Variants in GALNT2 observed in about 807,000 individuals in gnomAD.
GALNT2 encodes the protein polypeptide N-acetylgalactosaminyltransferase 2, also known as UDP-GalNAc:polypeptide N-acetylgalactosaminyltransferase 2.
Under a neutral mutation model 81.4 loss-of-function variants are expected in GALNT2, and 31 were observed. That is an observed-to-expected ratio of 0.38 (90% CI 0.29 to 0.51). The LOEUF (loss-of-function observed/expected upper bound fraction) is 0.51. GALNT2 is among the 20% of genes least tolerant of loss of function. GALNT2 has a pLI of 0.87. For synonymous variants in GALNT2, 303 were observed against 287.4 expected (o/e 1.05, Z -0.55); for missense variants, 629 against 765.7 (o/e 0.82, Z 2.11).
intron 6 of GALNT2, among the ~76,000 whole-genome samples, chr1:230,238,917 A>G (rs141128402): frequency 1.3e-5 from 2 of 152,208 alleles, no homozygotes; most frequent in African/African-American, 4.8e-5. Flanking sequence ...ATAATATTTT[A>G]ATTATTTCTT....
intron 3 of GALNT2, among the ~76,000 whole-genome samples, chr1:230,211,186 G>A (rs1275105130): frequency 6.6e-6 from 1 of 152,142 alleles, no homozygotes; most frequent in East Asian, 1.9e-4. Flanking sequence ...TGACGGAACC[G>A]CTGCTCCATG....
At chr1:230,067,624 T>G (rs991462205) in intron 1 of GALNT2, among the ~76,000 whole-genome samples, 9 of 151,910 alleles carry the variant, frequency 5.9e-5, no homozygotes, top group Admixed American at 1.3e-4. Flanking sequence ...CCCGCAGCCT[T>G]TCTCTGCCCC....
intron 1 of GALNT2, among the ~76,000 whole-genome samples, chr1:230,121,498 C>T (rs765776917): frequency 8.5e-5 from 13 of 152,208 alleles, no homozygotes; most frequent in Non-Finnish European, 7.3e-5. Context: ...TTGTCCCTGC[C>T]AGGTTTCTGA....
At chr1:230,138,476 G>T (rs1429728550) in intron 1 of GALNT2, among the ~76,000 whole-genome samples, 5 of 144,846 alleles carry the variant, frequency 3.5e-5, no homozygotes, top group Non-Finnish European at 5.9e-5. Flanking sequence ...AGTGAGCTGA[G>T]ATCACGCCTC....
intron 2 of GALNT2, among the ~76,000 whole-genome samples, chr1:230,179,364 T>C (rs1263054326): frequency 6.6e-6 from 1 of 152,206 alleles, no homozygotes; most frequent in Non-Finnish European, 1.5e-5. Flanking sequence ...CTGAGTTTTG[T>C]AAGAAACTGC....
chr1:230,204,414 C>T (rs1387534815), intron 3 of GALNT2, among the ~76,000 whole-genome samples: 1 of 152,184 alleles, frequency 6.6e-6, no homozygotes, highest in Admixed American at 6.5e-5. Context: ...AGTGATCCGC[C>T]CGCCTCGGCC....
Position 230,266,052 on chromosome 1 carries a change from A to G in GALNT2, c.1440+685A>G, listed in dbSNP as rs181983079. Reference sequence around the variant, plus strand: ...CTAAAAATAAAAAAAAAATTAGCCAAGCGTGGTGGCGGGCACCTGTAATCC... The same window carrying G: ...CTAAAAATAAAAAAAAAATTAGCCAGGCGTGGTGGCGGGCACCTGTAATCC... On this transcript the variant is annotated intron_variant, in intron 14 of 15. Coordinates refer to ENST00000366672, the MANE Select transcript of GALNT2 (RefSeq NM_004481.5). Among the ~76,000 whole-genome samples, 171 of 152,190 alleles carry G rather than the reference A, an allele frequency of 1.1e-3. 3 individuals are homozygous for G. In the East Asian group the frequency reaches 0.021, roughly 19 times the overall value.
At chr1:230,260,851 T>C (rs577239298) in intron 11 of GALNT2, among the ~76,000 whole-genome samples, 18 of 152,330 alleles carry the variant, frequency 1.2e-4, no homozygotes, top group African/African-American at 3.8e-4. Flanking sequence ...ACTCTCATAA[T>C]TTGATGAATT....
intron 3 of GALNT2, among the ~76,000 whole-genome samples, chr1:230,225,743 A>G (rs746377476): frequency 2.6e-5 from 4 of 151,372 alleles, no homozygotes; most frequent in Non-Finnish European, 4.4e-5. Flanking sequence ...TCTAAATTCA[A>G]GTTATCCAGA....
At chr1:230,187,954 C>T (rs1172936085) in intron 2 of GALNT2, among the ~76,000 whole-genome samples, 4 of 105,912 alleles carry the variant, frequency 3.8e-5, no homozygotes, top group Admixed American at 3.1e-4. Context: ...GAGGGTGGGG[C>T]GGGCCGGGGT....
intron 3 of GALNT2, among the ~76,000 whole-genome samples, chr1:230,234,566 A>G (rs1326876371): frequency 6.6e-6 from 1 of 152,226 alleles, no homozygotes; most frequent in Non-Finnish European, 1.5e-5. Context: ...AAGACTGTTC[A>G]TCCTCAAGAC....
At chr1:230,068,877 A>G (rs964282058) in intron 1 of GALNT2, among the ~76,000 whole-genome samples, 2 of 152,196 alleles carry the variant, frequency 1.3e-5, no homozygotes, top group African/African-American at 4.8e-5. Flanking sequence ...GACTTGGTTT[A>G]TTCTTGAACA....
At position 230,193,688 on chromosome 1, in the gene GALNT2, A is replaced by G. The variant is rs1256801495; in HGVS notation, c.221-9449A>G. Among the ~76,000 whole-genome samples the G allele has an allele frequency of 6.6e-6, 1 of 152,204 alleles. No homozygotes were observed. The highest frequency in any genetic ancestry group is 1.5e-5 in the Non-Finnish European group (1 of 68,036). On this transcript the variant is annotated intron_variant, in intron 2 of 15. Coordinates refer to ENST00000366672, the MANE Select transcript of GALNT2 (RefSeq NM_004481.5). The surrounding 1 kb of genome is among the most constrained non-coding windows in gnomAD (Gnocchi z 4.3). ...TTATTTTAAACCAACATTTATTTGA[A>G]CAAGTCATCCAAATGCAAGTAGTCC... is the stretch of plus-strand genomic sequence containing the variant.
chr1:230,078,988 C>T (rs935787932), intron 1 of GALNT2, among the ~76,000 whole-genome samples: 1 of 152,128 alleles, frequency 6.6e-6, no homozygotes, highest in African/African-American at 2.4e-5. Flanking sequence ...GTTTTATTAT[C>T]TTGACTACAC....
At chr1:230,229,282 A>C (rs1664804318) in intron 3 of GALNT2, among the ~76,000 whole-genome samples, 1 of 152,250 alleles carries the variant, frequency 6.6e-6, no homozygotes, top group Non-Finnish European at 1.5e-5. Flanking sequence ...GACAAAGAAC[A>C]TGAATAAACA....
rs541657179 is a variant in GALNT2, at chr1:230,246,256, C to T, written c.817+106C>T. On this transcript the variant is annotated intron_variant, in intron 8 of 15. Transcript: ENST00000366672. ...AGTGACAGTGACAACAGTGTTCACG[C>T]CGTAGTGTGTGTTCTGAGTAAAAAC... 44 of 888,306 alleles carry T rather than the reference C, an allele frequency of 5.0e-5. No individual in the cohort carries two copies. The East Asian group carries it at 1.0e-3, about 21-fold the overall frequency. 55.0% of individuals were successfully genotyped at this position (888,306 alleles called of 1,614,324 possible).
At chr1:230,091,614 A>C (rs950716680) in intron 1 of GALNT2, 23 of 152,254 alleles carry the variant, frequency 1.5e-4, no homozygotes, top group African/African-American at 5.5e-4. Context: ...TCTGTTCTGC[A>C]GTGTTGGAGC....
intron 14 of GALNT2, among the ~76,000 whole-genome samples, chr1:230,267,777 G>T (rs78214915): frequency 6.6e-6 from 1 of 152,160 alleles, no homozygotes; most frequent in African/African-American, 2.4e-5. Flanking sequence ...GGGCAGAGGC[G>T]GAGGGGAAGG....
At chr1:230,182,018 T>G (rs1663175272) in intron 2 of GALNT2, among the ~76,000 whole-genome samples, 1 of 152,240 alleles carries the variant, frequency 6.6e-6, no homozygotes, top group African/African-American at 2.4e-5. Context: ...ATTGAATTTA[T>G]GGGAATAGAG....
Sources: gnomAD v4.1 joint callset for allele counts (sites outside exome capture counted in the v4.1 genomes callset) on GRCh38, gnomAD v4.1.1 for gene constraint, Gnocchi (gnomAD v3.1) non-coding constraint, MANE v1.5 for transcripts, NCBI Gene and HGNC (gene_info 2026-07-23, HGNC 2026-07-21) for gene names.